Variants in GRM7 observed in about 807,000 individuals in gnomAD.
The protein encoded by GRM7 is glutamate metabotropic receptor 7.
GRM7 carries 35 observed loss-of-function variants against 84.5 expected under a neutral mutation model. The ratio of observed to expected loss-of-function variants is 0.41; its 90% CI spans 0.32 to 0.55. The LOEUF is 0.55. Among genes scored for constraint, GRM7 ranks in the 20% least tolerant of loss-of-function variants. GRM7 has a pLI of 0.19. For missense variants in GRM7, 1,003 were observed against 1,194.6 expected, an observed-to-expected ratio of 0.84 and a Z score of 2.36; for synonymous variants, 487 against 455.1, an observed-to-expected ratio of 1.07 and a Z score of -0.89.
chr3:7,715,749 C>T (rs749741745), intron 9 of GRM7, among the ~76,000 whole-genome samples: 1 of 152,182 alleles, frequency 6.6e-6, no homozygotes, highest in Non-Finnish European at 1.5e-5. Flanking sequence ...CTGAATCTCA[C>T]ATATGAACAC....
intron 8 of GRM7, among the ~76,000 whole-genome samples, chr3:7,586,460 T>C (rs1210243365): frequency 6.6e-6 from 1 of 152,056 alleles, no homozygotes; most frequent in African/African-American, 2.4e-5. Flanking sequence ...GGTAAATGGA[T>C]AAACAAACTG....
At chr3:7,622,394 A>G (rs1230569421) in intron 8 of GRM7, among the ~76,000 whole-genome samples, 1 of 152,102 alleles carries the variant, frequency 6.6e-6, no homozygotes, top group Non-Finnish European at 1.5e-5. Context: ...CATTTTACAG[A>G]TATCAGTTAG....
intron 1 of GRM7, among the ~76,000 whole-genome samples, chr3:7,080,329 T>G (rs1212675184): frequency 6.6e-6 from 1 of 152,140 alleles, no homozygotes; most frequent in African/African-American, 2.4e-5. Context: ...CCCTTTCACA[T>G]TTGGTCCAGT....
In GRM7 at chr3:7,166,801, C is replaced by T. The variant is rs543638156; in HGVS notation, c.736+20133C>T. On this transcript the variant is annotated intron_variant, in intron 2 of 9. Coordinates refer to ENST00000357716, the MANE Select transcript of GRM7 (RefSeq NM_000844.4). Reference sequence around the variant, plus strand: ...AGAGCAGAAGTCACCACTGTAGCCTCGTCCCAGGATTCCTGCTTACTTCTT... The same window carrying T: ...AGAGCAGAAGTCACCACTGTAGCCTTGTCCCAGGATTCCTGCTTACTTCTT... Among the ~76,000 whole-genome samples the T allele has an allele frequency of 3.3e-5, 5 of 152,296 alleles. No individual in the cohort carries two copies. The South Asian group carries it at 1.0e-3, about 32-fold the overall frequency.
intron 8 of GRM7, among the ~76,000 whole-genome samples, chr3:7,638,716 C>A (rs146052163): frequency 8.1e-4 from 124 of 152,294 alleles, no homozygotes; most frequent in Non-Finnish European, 1.6e-3. Context: ...TTGCATTGCC[C>A]TGAAGCATTT....
At position 6,861,339 on chromosome 3, in the gene GRM7, A is replaced by T; in HGVS notation, c.-50A>T. On this transcript the variant is annotated 5_prime_UTR_variant, in exon 1 of 10. Transcript: ENST00000357716. This position sits in a 1 kb window ranked among gnomAD's most constrained non-coding sequence, Gnocchi z 6.4. ...GAAGGGCCCGGACCTCGGCGAGCCC[A>T]CCACCGTTCCCTCCAGCGCCGCCGC... 1 of 1,440,688 alleles carries T rather than the reference A, an allele frequency of 6.9e-7. No individual in the cohort carries two copies. Among genetic ancestry groups the T allele is most frequent in the Non-Finnish European group, 9.1e-7 (1 of 1,103,802 alleles). 89.2% of individuals were successfully genotyped at this position (1,440,688 alleles called of 1,614,324 possible).
At chr3:7,726,999 C>T (rs1702155103) in intron 9 of GRM7, among the ~76,000 whole-genome samples, 1 of 151,826 alleles carries the variant, frequency 6.6e-6, no homozygotes, top group Non-Finnish European at 1.5e-5. Context: ...GAAAAGGTCA[C>T]CAGTTTTCTT....
intron 1 of GRM7, among the ~76,000 whole-genome samples, chr3:6,980,840 T>G (rs1023748988): frequency 1.3e-5 from 2 of 152,200 alleles, no homozygotes; most frequent in Non-Finnish European, 2.9e-5. Context: ...GACAGTAAAG[T>G]GCGAAGCTAG....
chr3:7,220,449 T>C (rs1696762803), intron 2 of GRM7, among the ~76,000 whole-genome samples: 1 of 152,118 alleles, frequency 6.6e-6, no homozygotes, highest in African/African-American at 2.4e-5. Flanking sequence ...AGGGACGTTC[T>C]CCAAAATACC....
intron 1 of GRM7, among the ~76,000 whole-genome samples, chr3:7,108,836 C>A (rs1404474537): frequency 1.3e-5 from 2 of 151,982 alleles, no homozygotes; most frequent in Non-Finnish European, 2.9e-5. Flanking sequence ...GTCATAGAGG[C>A]GCTTGGTTTC....
At chr3:7,342,670 A>G (rs73113731) in intron 4 of GRM7, among the ~76,000 whole-genome samples, 6,332 of 152,276 alleles carry the variant, frequency 0.042, 292 homozygotes, top group African/African-American at 0.12. Flanking sequence ...CAGAGAATCT[A>G]ACTCAACATA....
chr3:7,715,417 G>A (rs928934400), intron 9 of GRM7, among the ~76,000 whole-genome samples: 3 of 152,148 alleles, frequency 2.0e-5, no homozygotes, highest in Non-Finnish European at 4.4e-5. Context: ...AGGCTTTAGT[G>A]AGCGACCATC....
chr3:6,893,037 A>G (rs1365920921), intron 1 of GRM7: 1 of 152,164 alleles, frequency 6.6e-6, no homozygotes, highest in Non-Finnish European at 1.5e-5. Context: ...AGTAACATTT[A>G]TTGATTTTTT....
At chr3:7,172,606 C>A (rs1166013174) in intron 2 of GRM7, among the ~76,000 whole-genome samples, 2 of 130,666 alleles carry the variant, frequency 1.5e-5, no homozygotes, top group East Asian at 2.5e-4. Flanking sequence ...AAAATGGCAT[C>A]ATTGCACATG....
chr3:6,866,310 A>G (rs1694935675), intron 1 of GRM7, among the ~76,000 whole-genome samples: 1 of 151,102 alleles, frequency 6.6e-6, no homozygotes, highest in Non-Finnish European at 1.5e-5. Flanking sequence ...TAAATCTCTT[A>G]ATTTTTCTAG....
chr3:7,468,563 TAAC>T (rs1474167564), intron 7 of GRM7, among the ~76,000 whole-genome samples: 3 of 152,102 alleles, frequency 2.0e-5, no homozygotes, highest in South Asian at 2.1e-4. Context: ...GCAACAAAAA[TAAC>T]AATAATTTCA....
intron 1 of GRM7, among the ~76,000 whole-genome samples, chr3:6,871,512 C>T (rs1695119436): frequency 6.6e-6 from 1 of 151,362 alleles, no homozygotes; most frequent in Non-Finnish European, 1.5e-5. Flanking sequence ...TCATGTATTT[C>T]CTTGACTTTT....
chr3:7,350,637 T>C (rs180997417), intron 4 of GRM7, among the ~76,000 whole-genome samples: 3 of 152,272 alleles, frequency 2.0e-5, no homozygotes, highest in Non-Finnish European at 2.9e-5. Context: ...AATAGACTAA[T>C]GCACTAATAC....
intron 1 of GRM7, among the ~76,000 whole-genome samples, chr3:7,051,755 G>A (rs999004462): frequency 6.6e-6 from 1 of 151,686 alleles, no homozygotes; most frequent in Non-Finnish European, 1.5e-5. Flanking sequence ...AAGATGTCTT[G>A]TATTCTGCAG....
Sources: gnomAD v4.1 joint callset for allele counts (sites outside exome capture counted in the v4.1 genomes callset) on GRCh38, gnomAD v4.1.1 for gene constraint, Gnocchi (gnomAD v3.1) non-coding constraint, MANE v1.5 for transcripts, NCBI Gene and HGNC (gene_info 2026-07-23, HGNC 2026-07-21) for gene names.